Variants in TMEM117 observed in about 807,000 individuals in gnomAD.
The protein encoded by TMEM117 is transmembrane protein 117.
In TMEM117, 27 loss-of-function variants were observed where a neutral mutation model predicts 52.4. The ratio of observed to expected loss-of-function variants is 0.51; its 90% CI spans 0.38 to 0.71. The LOEUF (loss-of-function observed/expected upper bound fraction) is 0.71. TMEM117 is among the 30% of genes least tolerant of loss of function. TMEM117 has a pLI of 0.00. For missense variants in TMEM117, 556 were observed against 630.5 expected, an observed-to-expected ratio of 0.88 and a Z score of 1.26; for synonymous variants, 215 against 206.3, an observed-to-expected ratio of 1.04 and a Z score of -0.36.
intron 4 of TMEM117, among the ~76,000 whole-genome samples, chr12:44,205,730 T>G (rs1467755155): frequency 6.6e-6 from 1 of 152,094 alleles, no homozygotes; most frequent in African/African-American, 2.4e-5. Context: ...CTCACACTAG[T>G]TAGAATGGCT....
intron 4 of TMEM117, among the ~76,000 whole-genome samples, chr12:44,154,589 T>G (rs918305746): frequency 1.3e-5 from 2 of 152,010 alleles, no homozygotes; most frequent in African/African-American, 4.8e-5. Flanking sequence ...TTTCTTATGT[T>G]GTAATTATCC....
intron 5 of TMEM117, among the ~76,000 whole-genome samples, chr12:44,256,666 G>C (rs561117810): frequency 3.9e-5 from 6 of 152,166 alleles, no homozygotes; most frequent in Admixed American, 3.3e-4. Flanking sequence ...ACCCCAAAAA[G>C]TGTTTGCAGA....
rs538219015 is a variant in TMEM117 at position 43,874,658 on chromosome 12, C to T, written c.277+29730C>T. Reference sequence around the variant, plus strand: ...ATAGCCTCATATAGTCTATTTTCCCCAACCATTTTGTTAGTCTACACAGGT... The same window carrying T: ...ATAGCCTCATATAGTCTATTTTCCCTAACCATTTTGTTAGTCTACACAGGT... On this transcript the variant is annotated intron_variant, in intron 2 of 7. Coordinates refer to ENST00000266534, the MANE Select transcript of TMEM117 (RefSeq NM_032256.3). Among the ~76,000 whole-genome samples, 151 of 152,262 alleles carry T rather than the reference C, an allele frequency of 9.9e-4. 1 individual carries two copies. Among genetic ancestry groups the T allele is most frequent in the African/African-American group, 3.5e-3 (146 of 41,566 alleles).
chr12:44,119,643 T>C (rs1404309106), intron 3 of TMEM117, among the ~76,000 whole-genome samples: 1 of 152,168 alleles, frequency 6.6e-6, no homozygotes, highest in East Asian at 1.9e-4. Flanking sequence ...CAGATCGTCT[T>C]CCTGACTACC....
intron 3 of TMEM117, among the ~76,000 whole-genome samples, chr12:44,059,547 G>C (rs1161929606): frequency 3.9e-5 from 6 of 151,974 alleles, no homozygotes; most frequent in Admixed American, 3.3e-4. Context: ...AATGGATTAT[G>C]GCATCCATTT....
At chr12:44,026,011 C>T (rs1447771629) in intron 3 of TMEM117, among the ~76,000 whole-genome samples, 2 of 152,152 alleles carry the variant, frequency 1.3e-5, no homozygotes, top group Non-Finnish European at 2.9e-5. Context: ...CACAAATAAT[C>T]TTTGTGCTGT....
intron 3 of TMEM117, among the ~76,000 whole-genome samples, chr12:44,116,185 G>T (rs1485167027): frequency 6.6e-6 from 1 of 151,954 alleles, no homozygotes; most frequent in Non-Finnish European, 1.5e-5. Flanking sequence ...TTCATTTCTT[G>T]AATTTCTTAT....
intron 4 of TMEM117, among the ~76,000 whole-genome samples, chr12:44,162,022 G>A (rs1468972737): frequency 6.6e-6 from 1 of 152,096 alleles, no homozygotes; most frequent in Non-Finnish European, 1.5e-5. Flanking sequence ...GCAGTCATTT[G>A]GGAATCATCA....
intron 3 of TMEM117, among the ~76,000 whole-genome samples, chr12:44,061,641 A>G (rs560065856): frequency 2.0e-5 from 3 of 152,062 alleles, no homozygotes; most frequent in Non-Finnish European, 2.9e-5. Flanking sequence ...GTATGATTAC[A>G]TTTTTTTTCA....
At chr12:44,303,664 A>C (rs1195767848) in intron 6 of TMEM117, among the ~76,000 whole-genome samples, 1 of 152,166 alleles carries the variant, frequency 6.6e-6, no homozygotes, top group African/African-American at 2.4e-5. Flanking sequence ...GGAAAACTTT[A>C]TCTCAGTTTC....
chr12:43,846,501 G>T (rs993730764), intron 2 of TMEM117, among the ~76,000 whole-genome samples: 2 of 152,142 alleles, frequency 1.3e-5, no homozygotes, highest in Non-Finnish European at 2.9e-5. Context: ...TGAACTAACC[G>T]ATTTTTGCCT....
At chr12:44,090,885 T>G (rs1447938075) in intron 3 of TMEM117, among the ~76,000 whole-genome samples, 1 of 139,986 alleles carries the variant, frequency 7.1e-6, no homozygotes, top group Non-Finnish European at 1.5e-5. Flanking sequence ...AGGCATCACC[T>G]CTTGCTGATA....
chr12:44,257,398 G>C (rs1380426390), intron 5 of TMEM117, among the ~76,000 whole-genome samples: 1 of 151,958 alleles, frequency 6.6e-6, no homozygotes, highest in Non-Finnish European at 1.5e-5. Flanking sequence ...TTGGAGCTCT[G>C]TCTCGAATCC....
intron 7 of TMEM117, among the ~76,000 whole-genome samples, chr12:44,383,054 T>C (rs1952041743): frequency 6.6e-6 from 1 of 152,100 alleles, no homozygotes; most frequent in Non-Finnish European, 1.5e-5. Context: ...GGCCATGGTT[T>C]TGTGCTGTCC....
chr12:44,234,431 G>T (rs1290302180), intron 5 of TMEM117, among the ~76,000 whole-genome samples: 1 of 151,146 alleles, frequency 6.6e-6, no homozygotes, highest in Non-Finnish European at 1.5e-5. Context: ...GAGTCTGCAG[G>T]ATTTGTAGTG....
At chr12:43,877,219 A>C (rs1314719029) in intron 2 of TMEM117, among the ~76,000 whole-genome samples, 1 of 152,210 alleles carries the variant, frequency 6.6e-6, no homozygotes, top group East Asian at 1.9e-4. Flanking sequence ...CACATTTTTC[A>C]CTTGGTATAT....
chr12:43,804,712 C>A, the TMEM117 span: 2 of 540,258 alleles, frequency 3.7e-6, no homozygotes, highest in Non-Finnish European at 6.6e-6. Flanking sequence ...TAAAACTTTA[C>A]CGCATAAAAT....
intron 3 of TMEM117, among the ~76,000 whole-genome samples, chr12:44,089,933 CA>C (rs1239199903): frequency 6.6e-6 from 1 of 152,106 alleles, no homozygotes; most frequent in Non-Finnish European, 1.5e-5. Flanking sequence ...TAATTATTAA[CA>C]AAGGAGCTAT....
At position 44,338,521 on chromosome 12, in the gene TMEM117, G is replaced by C. The variant is rs987813765; in HGVS notation, c.769-38074G>C. Among the ~76,000 whole-genome samples the C allele has an allele frequency of 3.3e-5, 5 of 151,752 alleles. No individual in the cohort carries two copies. In the South Asian group the frequency reaches 1.0e-3, roughly 32 times the overall value. On this transcript the variant is annotated intron_variant, in intron 6 of 7. Coordinates refer to ENST00000266534, the MANE Select transcript of TMEM117 (RefSeq NM_032256.3). ...AAGATGGTGGAAAATAGGCCTGAAA[G>C]TAACATGTGTAAAACATTTTAAAAA...
Sources: allele counts gnomAD v4.1 joint callset (sites outside exome capture counted in the v4.1 genomes callset), GRCh38; gene constraint gnomAD v4.1.1; transcripts MANE v1.5; gene names NCBI Gene and HGNC (gene_info 2026-07-23, HGNC 2026-07-21).